Variants in ZNRF3 observed in about 807,000 individuals in gnomAD.
The protein encoded by ZNRF3 is zinc and ring finger 3.
A neutral mutation model predicts 72.5 loss-of-function variants in ZNRF3; 23 were observed. The ratio of observed to expected loss-of-function variants is 0.32; its 90% CI spans 0.23 to 0.45. ZNRF3 has a LOEUF of 0.45. Ranked by LOEUF, ZNRF3 falls within the 20% of genes least tolerant of loss-of-function variation. The pLI is 1.00. For synonymous variants in ZNRF3, 610 were observed against 545.3 expected (o/e 1.12, Z -1.65); for missense variants, 1,169 against 1,272.1 (o/e 0.92, Z 1.23).
rs1056925894 is a variant in ZNRF3, at chr22:29,030,041, G to T, written c.427-12454G>T. On this transcript the variant is annotated intron_variant, in intron 2 of 8. Coordinates refer to ENST00000544604, the MANE Select transcript of ZNRF3 (RefSeq NM_001206998.2). The surrounding 1 kb of genome is among the most constrained non-coding windows in gnomAD (Gnocchi z 4.2). ...TAACGACTTCCAGGTTCTTCCAAAA[G>T]CTTATCTTCCAGGCATAGGCAGGTA... Among the ~76,000 whole-genome samples the T allele has an allele frequency of 1.3e-5, 2 of 152,166 alleles. No homozygotes were observed. The highest frequency in any genetic ancestry group is 4.8e-5 in the African/African-American group (2 of 41,426).
At chr22:28,911,070 G>A (rs567729144) in intron 1 of ZNRF3, among the ~76,000 whole-genome samples, 7 of 152,272 alleles carry the variant, frequency 4.6e-5, no homozygotes, top group African/African-American at 1.7e-4. Context: ...GCCTTTCTGA[G>A]CCTCAGTCTC....
chr22:28,941,021 G>A (rs2034935855), intron 1 of ZNRF3, among the ~76,000 whole-genome samples: 2 of 152,072 alleles, frequency 1.3e-5, no homozygotes, highest in South Asian at 4.1e-4. Context: ...AGTGACAGAA[G>A]CAAAAGGGCT....
intron 2 of ZNRF3, among the ~76,000 whole-genome samples, chr22:29,019,730 A>G (rs1325080481): frequency 6.6e-6 from 1 of 152,180 alleles, no homozygotes; most frequent in Non-Finnish European, 1.5e-5. Context: ...ACACCCATGA[A>G]CTATTTAATC....
intron 1 of ZNRF3, among the ~76,000 whole-genome samples, chr22:28,966,263 A>G (rs781004806): frequency 3.9e-5 from 6 of 152,262 alleles, no homozygotes; most frequent in Non-Finnish European, 7.3e-5. Context: ...ACTACTGCCT[A>G]TAGTCATGTG....
intron 1 of ZNRF3, among the ~76,000 whole-genome samples, chr22:28,895,494 C>T (rs1469810702): frequency 1.3e-5 from 2 of 152,018 alleles, no homozygotes; most frequent in Non-Finnish European, 2.9e-5. Flanking sequence ...GATGAAACCC[C>T]GTCTCTACTA....
At chr22:28,943,270 G>C (rs2034982800) in intron 1 of ZNRF3, among the ~76,000 whole-genome samples, 1 of 151,794 alleles carries the variant, frequency 6.6e-6, no homozygotes, top group Admixed American at 6.6e-5. Context: ...CTGTACCTTT[G>C]TGGTTCTTCT....
rs530036984 is a variant in ZNRF3, at chr22:28,966,867, C to CTTTTTTT, written c.301-20193_301-20187dup. 6.2e-3 allele frequency among the ~76,000 whole-genome samples: 635 copies of CTTTTTTT among 102,412 alleles called. 51 individuals carry two copies. Among genetic ancestry groups the CTTTTTTT allele is most frequent in the African/African-American group, 0.023 (587 of 25,028 alleles). 67.2% of individuals were successfully genotyped at this position (102,412 alleles called of 152,430 possible). ...GTTACAGGCACATAGTTTTAAAAAT[C>CTTTTTTT]TTTTTTTTTTTTTTTTTTTTTTGAG... On this transcript the variant is annotated intron_variant, in intron 1 of 8. Transcript: ENST00000544604.
chr22:28,898,957 T>A lies in ZNRF3; in HGVS notation c.300+14891T>A, dbSNP rs5762883. On this transcript the variant is annotated intron_variant, in intron 1 of 8. Transcript: ENST00000544604. ...TTTTTTTTTTTTTTTTTTTAACTGT[T>A]TTTGTGGGACAGTGGTGATTACATG... 2.8e-3 allele frequency among the ~76,000 whole-genome samples: 422 copies of A among 151,382 alleles called. 12 individuals are homozygous for A. The East Asian group carries it at 0.061, about 22-fold the overall frequency.
rs546792594 is a variant in ZNRF3, at chr22:29,035,637, G to A, written c.427-6858G>A. 9.2e-5 allele frequency among the ~76,000 whole-genome samples: 14 copies of A among 152,236 alleles called. No individual in the cohort carries two copies. The South Asian group carries it at 2.5e-3, about 27-fold the overall frequency. ...GTCGCCCAGGCTGGAGTGCAGTGGC[G>A]TGATCTTGGCTCACTGCAAGCTCCG... On this transcript the variant is annotated intron_variant, in intron 2 of 8. Coordinates refer to ENST00000544604, the MANE Select transcript of ZNRF3 (RefSeq NM_001206998.2).
At chr22:28,893,592 G>T (rs2033934459) in intron 1 of ZNRF3, among the ~76,000 whole-genome samples, 1 of 150,138 alleles carries the variant, frequency 6.7e-6, no homozygotes, top group Non-Finnish European at 1.5e-5. Flanking sequence ...CTGCCTCCTG[G>T]GCTCAAGCCA....
intron 1 of ZNRF3, among the ~76,000 whole-genome samples, chr22:28,970,759 A>G (rs1257461366): frequency 6.6e-6 from 1 of 152,244 alleles, no homozygotes; most frequent in Non-Finnish European, 1.5e-5. Flanking sequence ...CCCCCAAAAA[A>G]GAGTGCATGA....
chr22:29,042,767 G>A (rs188749006), intron 3 of ZNRF3, among the ~76,000 whole-genome samples, 198 bp downstream of exon 3: 1,054 of 49,678 alleles, frequency 0.021, 7 homozygotes, highest in Non-Finnish European at 0.04. Flanking sequence ...TTGGGGCACA[G>A]GGGGCATTTT....
intron 1 of ZNRF3, among the ~76,000 whole-genome samples, chr22:28,911,281 T>A (rs1211329516): frequency 1.3e-5 from 2 of 152,178 alleles, no homozygotes; most frequent in African/African-American, 4.8e-5. Flanking sequence ...GAAAAGGGTA[T>A]GTGACTTTTA....
chr22:28,992,001 T>A (rs77086070), intron 2 of ZNRF3, among the ~76,000 whole-genome samples: 24 of 148,852 alleles, frequency 1.6e-4, no homozygotes, highest in Non-Finnish European at 2.4e-4. Context: ...AAAAAAAAAA[T>A]AATAAGCTGG....
In ZNRF3 at chr22:29,055,739, T is replaced by C. The variant is rs2037286317; in HGVS notation, c.*2117T>C. The stretch of plus-strand genomic sequence containing the variant: ...TGCGTGGTTTTAGGGAAGCAGGGTC[T>C]GGCTTTTAATATGAACTGCAAAAAG... On this transcript the variant is annotated 3_prime_UTR_variant, in exon 9 of 9. Transcript: ENST00000544604. The C allele has an allele frequency of 6.6e-6, 1 of 152,286 alleles. No individual in the cohort carries two copies. Among genetic ancestry groups the C allele is most frequent in the Non-Finnish European group, 1.5e-5 (1 of 68,082 alleles). The allele number at this position is 152,286 out of a possible 1,614,324, so 9.4% of individuals were successfully genotyped here.
intron 2 of ZNRF3, among the ~76,000 whole-genome samples, chr22:29,021,680 G>A (rs958090870): frequency 6.6e-6 from 1 of 151,728 alleles, no homozygotes; most frequent in Admixed American, 6.6e-5. Context: ...TAGAGGCGGG[G>A]TTTCACCATG....
chr22:28,956,467 G>A (rs1254605946), intron 1 of ZNRF3, among the ~76,000 whole-genome samples: 1 of 143,170 alleles, frequency 7.0e-6, no homozygotes, highest in Admixed American at 7.4e-5. Context: ...GGTGTTTTTT[G>A]TGTGTTTGTG....
At chr22:29,004,958 G>GAGCCGCTCAGTTCCTGCCAGCC (rs2036215643) in intron 2 of ZNRF3, among the ~76,000 whole-genome samples, 1 of 152,216 alleles carries the variant, frequency 6.6e-6, no homozygotes, top group Non-Finnish European at 1.5e-5. Context: ...TCCTACCAGG[G>GAGCCGCTCAGTTCCTGCCAGCC]AGCCGCTCAG....
At chr22:28,933,718 A>T (rs952116507) in intron 1 of ZNRF3, among the ~76,000 whole-genome samples, 6 of 16,042 alleles carry the variant, frequency 3.7e-4, no homozygotes, top group East Asian at 4.9e-3. Flanking sequence ...CCCCACCCCC[A>T]CCCCACCCCC....
Sources: allele counts gnomAD v4.1 joint callset (sites outside exome capture counted in the v4.1 genomes callset), GRCh38; gene constraint gnomAD v4.1.1; non-coding constraint Gnocchi (gnomAD v3.1); transcripts MANE v1.5; gene names NCBI Gene and HGNC (gene_info 2026-07-23, HGNC 2026-07-21).